SGCD: variants seen among roughly 807,000 people sequenced by gnomAD.
SGCD encodes the protein delta-sarcoglycan.
SGCD carries 18 observed loss-of-function variants against 36.6 expected under a neutral mutation model. That is an observed-to-expected ratio of 0.49 (90% CI 0.34 to 0.73). The LOEUF (loss-of-function observed/expected upper bound fraction) is 0.73. Among genes scored for constraint, SGCD ranks in the 30% least tolerant of loss-of-function variants. SGCD has a pLI of 0.01. For missense variants in SGCD, 387 were observed against 346.7 expected, an observed-to-expected ratio of 1.12 and a Z score of -0.92; for synonymous variants, 133 against 130.6, an observed-to-expected ratio of 1.02 and a Z score of -0.12.
chr5:156,260,661 C>T (rs1765834847), intron 3 of SGCD, among the ~76,000 whole-genome samples: 1 of 152,046 alleles, frequency 6.6e-6, no homozygotes, highest in African/African-American at 2.4e-5. Flanking sequence ...ACTTTCTAAA[C>T]TGTATGTGTT....
intron 3 of SGCD, among the ~76,000 whole-genome samples, chr5:156,274,928 G>A (rs900642125): frequency 2.6e-5 from 4 of 152,114 alleles, no homozygotes; most frequent in Non-Finnish European, 5.9e-5. Context: ...TGGTAGGTTT[G>A]GTAAGGACTG....
chr5:155,944,497 A>G (rs948442013), intron 1 of SGCD, among the ~76,000 whole-genome samples: 3 of 152,230 alleles, frequency 2.0e-5, no homozygotes, highest in South Asian at 2.1e-4. Flanking sequence ...ACCTTAAGCT[A>G]TAGATTACCT....
chr5:156,072,151 G>C (rs1411434927), intron 1 of SGCD, among the ~76,000 whole-genome samples: 2 of 149,860 alleles, frequency 1.3e-5, no homozygotes, highest in Admixed American at 1.3e-4. Flanking sequence ...ATATTGTTAT[G>C]TGTGAATTTG....
intron 1 of SGCD, among the ~76,000 whole-genome samples, chr5:155,935,891 G>A (rs1384386234): frequency 6.6e-6 from 1 of 152,176 alleles, no homozygotes; most frequent in African/African-American, 2.4e-5. Flanking sequence ...GCGAGCAAGT[G>A]AGGGGTCCAG....
At chr5:155,963,528 G>A (rs1314141118) in intron 1 of SGCD, among the ~76,000 whole-genome samples, 1 of 151,986 alleles carries the variant, frequency 6.6e-6, no homozygotes, top group Non-Finnish European at 1.5e-5. Flanking sequence ...AATATTTCTT[G>A]AGCAATCACT....
intron 4 of SGCD, among the ~76,000 whole-genome samples, chr5:156,524,287 TTATATATATA>T (rs5872468): frequency 7.7e-6 from 1 of 130,176 alleles, no homozygotes; most frequent in Non-Finnish European, 1.6e-5. Context: ...ATATATATAG[TTATATATATA>T]TATATATATC....
chr5:156,532,031 A>G (rs2113104227), intron 4 of SGCD, among the ~76,000 whole-genome samples: 1 of 152,230 alleles, frequency 6.6e-6, no homozygotes, highest in East Asian at 1.9e-4. Context: ...AATCGCTTGA[A>G]CCCAGGAGGC....
At chr5:156,622,822 T>C (rs2113504599) in intron 6 of SGCD, among the ~76,000 whole-genome samples, 1 of 152,234 alleles carries the variant, frequency 6.6e-6, no homozygotes, top group African/African-American at 2.4e-5. Context: ...GGACGAAACC[T>C]ATTACGTGAG....
At chr5:156,633,522 G>A (rs952506670) in intron 6 of SGCD, among the ~76,000 whole-genome samples, 1 of 152,144 alleles carries the variant, frequency 6.6e-6, no homozygotes, top group African/African-American at 2.4e-5. Context: ...TTGGGTCCTG[G>A]TCCCCACAAT....
intron 1 of SGCD, among the ~76,000 whole-genome samples, chr5:156,084,639 T>G (rs1002749021): frequency 6.6e-6 from 1 of 152,222 alleles, no homozygotes; most frequent in African/African-American, 2.4e-5. Flanking sequence ...AAGTCCTCTG[T>G]AAATAGAGAC....
chr5:155,730,254 C>A, the SGCD span, among the ~76,000 whole-genome samples: 2 of 152,140 alleles, frequency 1.3e-5, no homozygotes, highest in Non-Finnish European at 2.9e-5. Flanking sequence ...ATATTCTAAT[C>A]CCTTAAAGCT....
chr5:156,597,534 C>T lies in SGCD; in HGVS notation c.502+2483C>T, dbSNP rs563704457. 9.2e-5 allele frequency among the ~76,000 whole-genome samples: 14 copies of T among 152,258 alleles called. No individual in the cohort carries two copies. In the East Asian group the frequency reaches 2.7e-3, roughly 29 times the overall value. On this transcript the variant is annotated intron_variant, in intron 6 of 8. Coordinates refer to ENST00000337851, the MANE Select transcript of SGCD (RefSeq NM_000337.6). ...CATAAGAACAGCCTAGGAAAAAACC[C>T]ACCCCTATGATTCAATTATCTCCAA...
intron 6 of SGCD, among the ~76,000 whole-genome samples, chr5:156,616,981 A>C (rs1301998514): frequency 6.6e-6 from 1 of 152,208 alleles, no homozygotes; most frequent in South Asian, 2.1e-4. Context: ...TACAAAAAAA[A>C]AGTTTGCCAG....
intron 1 of SGCD, among the ~76,000 whole-genome samples, chr5:156,098,111 G>A (rs1351368693): frequency 3.3e-5 from 5 of 152,182 alleles, no homozygotes; most frequent in Non-Finnish European, 1.5e-5. Flanking sequence ...TCTAGGCAAA[G>A]AAGAAGTATT....
chr5:156,621,144 A>G (rs929828104), intron 6 of SGCD, among the ~76,000 whole-genome samples: 1 of 152,160 alleles, frequency 6.6e-6, no homozygotes, highest in Non-Finnish European at 1.5e-5. Context: ...CCAAAGGGAC[A>G]CTCTGGGTCC....
chr5:156,006,164 G>A (rs1029529912), intron 1 of SGCD, among the ~76,000 whole-genome samples: 1 of 152,134 alleles, frequency 6.6e-6, no homozygotes, highest in Non-Finnish European at 1.5e-5. Flanking sequence ...ATCATTATAT[G>A]ATACTGTTGG....
the SGCD span, among the ~76,000 whole-genome samples, chr5:155,753,718 A>G: frequency 3.9e-5 from 6 of 152,124 alleles, no homozygotes; most frequent in African/African-American, 1.4e-4. Context: ...AAAACCGGGA[A>G]TCAAGTTTCC....
intron 3 of SGCD, among the ~76,000 whole-genome samples, chr5:156,365,615 TATACACATACATATACACAGATATAC>T (rs1161727446): frequency 6.6e-6 from 1 of 152,208 alleles, no homozygotes; most frequent in Non-Finnish European, 1.5e-5. Context: ...TACATGTATG[TATACACATACATATACACAGATATAC>T]ACAGAAGTAT....
At chr5:156,089,452 C>T (rs923869388) in intron 1 of SGCD, among the ~76,000 whole-genome samples, 4 of 152,176 alleles carry the variant, frequency 2.6e-5, no homozygotes, top group Admixed American at 1.3e-4. Flanking sequence ...AAGGAAGAGC[C>T]GTTGTCATTT....
Sources: gnomAD v4.1 joint callset for allele counts (sites outside exome capture counted in the v4.1 genomes callset) on GRCh38, gnomAD v4.1.1 for gene constraint, MANE v1.5 for transcripts, NCBI Gene and HGNC (gene_info 2026-07-23, HGNC 2026-07-21) for gene names.